Variants in C3orf49 observed in about 807,000 individuals in gnomAD.
The protein encoded by C3orf49 is chromosome 3 open reading frame 49, also known as putative uncharacterized protein C3orf49.
In C3orf49, 27 loss-of-function variants were observed where a neutral mutation model predicts 13.3. That is an observed-to-expected ratio of 2.02 (90% CI 1.49 to 2.79). The LOEUF (loss-of-function observed/expected upper bound fraction) is 2.79, where lower values mean the gene tolerates loss of function less well. C3orf49 is among the 30% of genes most tolerant of loss of function. The pLI, the probability that C3orf49 is intolerant of heterozygous loss-of-function variation, is 0.00. For missense variants in C3orf49, 242 were observed against 134.2 expected (o/e 1.80, Z -3.97); for synonymous variants, 87 against 47.6 (o/e 1.83, Z -3.40).
chr3:63,806,212 C>T, the C3orf49 span, among the ~76,000 whole-genome samples: 296 of 152,346 alleles, frequency 1.9e-3, 2 homozygotes, highest in African/African-American at 6.8e-3. Context: ...TGTGCTTCCA[C>T]ACTGGATTCC....
At chr3:63,835,353 A>C in intron 5 of C3orf49, 3 of 1,613,592 alleles carry the variant, frequency 1.9e-6, no homozygotes, top group Non-Finnish European at 2.5e-6. Context: ...TTAATGTGTG[A>C]AAGATGCTCT....
Position 63,832,785 on chromosome 3 carries a change from G to T in C3orf49, c.849+941G>T, listed in dbSNP as rs552854267. The T allele has an allele frequency of 4.6e-5, 7 of 152,310 alleles. No homozygotes were observed. The South Asian group carries it at 1.2e-3, about 27-fold the overall frequency. The allele number at this position is 152,310 out of a possible 1,614,324, so 9.4% of individuals were successfully genotyped here. On this transcript the variant is annotated intron_variant, in intron 5 of 6. Transcript: ENST00000295896. The stretch of plus-strand genomic sequence containing the variant: ...TGTCACAGCATAGCAATTCTGCAAA[G>T]AAATTTCTCCCATGACTTGCCAGAT...
At chr3:63,835,781 T>C (rs1464761579) in intron 5 of C3orf49, among the ~76,000 whole-genome samples, 1 of 152,110 alleles carries the variant, frequency 6.6e-6, no homozygotes, top group African/African-American at 2.4e-5. Flanking sequence ...TGGGCCTTTT[T>C]ATCTCCTCTA....
At chr3:63,835,063 T>C (rs1003996185) in intron 5 of C3orf49, 172 of 1,273,584 alleles carry the variant, frequency 1.4e-4, no homozygotes, top group Non-Finnish European at 1.6e-4. Context: ...GAAGGTATAC[T>C]GTCTCTCCAA....
intron 1 of C3orf49, among the ~76,000 whole-genome samples, chr3:63,822,068 C>T (rs988686111): frequency 1.1e-4 from 16 of 152,006 alleles, no homozygotes; most frequent in African/African-American, 3.1e-4. Context: ...CTCTGCCTCC[C>T]GGGTTCACAA....
chr3:63,831,228 T>C lies in C3orf49; in HGVS notation c.684+5T>C. 2.9e-6 allele frequency: 2 copies of C among 700,312 alleles called. No individual in the cohort carries two copies. The highest frequency in any genetic ancestry group is 5.2e-6 in the Non-Finnish European group (2 of 384,316). The allele number at this position is 700,312 out of a possible 1,614,324, so 43.4% of individuals were successfully genotyped here. On this transcript the variant is annotated splice_donor_5th_base_variant and intron_variant, in intron 4 of 6. Coordinates refer to ENST00000295896, the MANE Select transcript of C3orf49 (RefSeq NM_001355236.2). ...GTAGGAAAGCTTCAAATGCAGGTAGTGGACAAAGGCTTTTAACTTTTGAGT... is the reference window on the plus strand; with the variant it reads ...GTAGGAAAGCTTCAAATGCAGGTAGCGGACAAAGGCTTTTAACTTTTGAGT...
rs558265527 is a variant in C3orf49 at position 63,827,764 on chromosome 3, A to G, written c.570+39A>G. On this transcript the variant is annotated intron_variant, in intron 3 of 6. Transcript: ENST00000295896. The stretch of plus-strand genomic sequence containing the variant: ...TGAATTTGCCTCTGAAGACTTACAC[A>G]TAACTCAATGTCTAGAGATTTTGCA... 1.1e-5 allele frequency: 8 copies of G among 698,048 alleles called. No individual in the cohort carries two copies. In the East Asian group the frequency reaches 1.6e-4, roughly 14 times the overall value. 43.2% of individuals were successfully genotyped at this position (698,048 alleles called of 1,614,324 possible).
intron 5 of C3orf49, chr3:63,837,954 TTAAATCCC>T (rs1701669047): frequency 1.3e-6 from 2 of 1,599,912 alleles, no homozygotes; most frequent in African/African-American, 2.7e-5. Context: ...TATTTGCACA[TTAAATCCC>T]TCAAAACCCT....
the C3orf49 span, among the ~76,000 whole-genome samples, chr3:63,782,219 A>G: frequency 6.6e-6 from 1 of 152,232 alleles, no homozygotes; most frequent in African/African-American, 2.4e-5. Context: ...TGCAATTTCA[A>G]TACACTTTAT....
At chr3:63,816,788 T>TC (rs1362583384), upstream of C3orf49, among the ~76,000 whole-genome samples, 2 of 143,702 alleles carry the variant, frequency 1.4e-5, no homozygotes, top group Non-Finnish European at 3.0e-5. Context: ...TTTTTTTTTT[T>TC]GTGAGACAGA....
chr3:63,809,839 C>T, the C3orf49 span, among the ~76,000 whole-genome samples: 86 of 152,222 alleles, frequency 5.6e-4, no homozygotes, highest in African/African-American at 1.9e-3. Flanking sequence ...AACATAATTG[C>T]GGTTTTTGCC....
the C3orf49 span, among the ~76,000 whole-genome samples, chr3:63,790,789 A>C: frequency 6.6e-6 from 1 of 152,282 alleles, no homozygotes; most frequent in East Asian, 1.9e-4. Flanking sequence ...ATGTATCTTC[A>C]GGTTTCCCCA....
chr3:63,781,862 C>T, the C3orf49 span, among the ~76,000 whole-genome samples: 1 of 152,134 alleles, frequency 6.6e-6, no homozygotes, highest in African/African-American at 2.4e-5. Context: ...TTATTCCTCA[C>T]AGCAACCCTA....
At chr3:63,808,979 T>G in the C3orf49 span, among the ~76,000 whole-genome samples, 1 of 152,202 alleles carries the variant, frequency 6.6e-6, no homozygotes, top group Non-Finnish European at 1.5e-5. Flanking sequence ...TTTTTTCTTT[T>G]GGTCTCCATC....
chr3:63,845,164 A>G, intron 6 of C3orf49, 82 bp downstream of exon 6: 1 of 568,764 alleles, frequency 1.8e-6, no homozygotes, highest in Non-Finnish European at 3.2e-6. Context: ...CTCAGATCTG[A>G]GCTCTGCTCT....
chr3:63,792,513 T>A, the C3orf49 span, among the ~76,000 whole-genome samples: 1 of 152,180 alleles, frequency 6.6e-6, no homozygotes, highest in East Asian at 1.9e-4. Flanking sequence ...TTCCCCCCTT[T>A]CTCTTGGTGT....
the C3orf49 span, among the ~76,000 whole-genome samples, chr3:63,795,491 C>T: frequency 1.3e-5 from 2 of 152,178 alleles, no homozygotes; most frequent in East Asian, 3.9e-4. Flanking sequence ...GGACAACTTG[C>T]AGTCACGACC....
chr3:63,805,533 C>T, the C3orf49 span, among the ~76,000 whole-genome samples: 2 of 152,348 alleles, frequency 1.3e-5, no homozygotes, highest in African/African-American at 4.8e-5. Context: ...GACTTTATTA[C>T]TCATAGCTCA....
At chr3:63,832,163 C>T (rs1014444865) in intron 5 of C3orf49, 4 of 218,910 alleles carry the variant, frequency 1.8e-5, no homozygotes, top group Non-Finnish European at 3.5e-5. Context: ...CACTGCACTC[C>T]AGCCTGGGCG....
Sources: gnomAD v4.1 joint callset for allele counts (sites outside exome capture counted in the v4.1 genomes callset) on GRCh38, gnomAD v4.1.1 for gene constraint, MANE v1.5 for transcripts, NCBI Gene and HGNC (gene_info 2026-07-23, HGNC 2026-07-21) for gene names.